Variants in CLCN3 observed in about 807,000 individuals in gnomAD.
The protein encoded by CLCN3 is Cl-/H+ antiporter 3, also known as H(+)/Cl(-) exchange transporter 3.
CLCN3 carries 16 observed loss-of-function variants against 83.4 expected under a neutral mutation model. The observed-to-expected ratio is 0.19, with a 90% CI of 0.13 to 0.29. CLCN3 has a LOEUF of 0.29. Ranked by LOEUF, CLCN3 falls within the 10% of genes least tolerant of loss-of-function variation. The probability of loss-of-function intolerance (pLI) is 1.00; values close to 1 mark genes in which losing one functional copy is unlikely to be tolerated. For missense variants in CLCN3, 544 were observed against 1,006.0 expected (o/e 0.54, Z 6.21); for synonymous variants, 322 against 346.2 (o/e 0.93, Z 0.78).
In CLCN3 at chr4:169,707,208, A is replaced by G; in HGVS notation, c.2091A>G (p.Ser697=). 2 of 1,613,944 alleles carry G rather than the reference A, an allele frequency of 1.2e-6. No individual in the cohort carries two copies. The highest frequency in any genetic ancestry group is 1.1e-5 in the South Asian group (1 of 91,048). The change falls in exon 11 of 13, where the codon TCA becomes TCG. Residue 697 remains serine (S), a synonymous_variant. Coordinates refer to ENST00000513761, the MANE Select transcript of CLCN3 (RefSeq NM_001829.4). ...ACAATGGATTTCCTGTCATAATGTC[A>G]AAAGAATCTCAGAGATTAGTGGGAT... The part of the protein sequence containing the change: ...TSYNGFPVIM[S]KESQRLVGFA...
chr4:169,648,891 G>A (rs1382209481), intron 2 of CLCN3, among the ~76,000 whole-genome samples: 1 of 152,062 alleles, frequency 6.6e-6, no homozygotes, highest in Non-Finnish European at 1.5e-5. Flanking sequence ...GCCAGGTGTG[G>A]TGGTGCACAC....
chr4:169,693,818 G>A (rs1477342418), intron 7 of CLCN3, among the ~76,000 whole-genome samples: 1 of 152,118 alleles, frequency 6.6e-6, no homozygotes, highest in Non-Finnish European at 1.5e-5. Context: ...AAATTTTAAT[G>A]TTCATACTGT....
chr4:169,624,460 G>T (rs1056937389), intron 1 of CLCN3, among the ~76,000 whole-genome samples: 2 of 152,032 alleles, frequency 1.3e-5, no homozygotes, highest in Admixed American at 1.3e-4. Context: ...GTAGGGACAG[G>T]GTTTCACCCT....
chr4:169,622,006 T>C (rs1233071810), intron 1 of CLCN3, among the ~76,000 whole-genome samples: 2 of 152,184 alleles, frequency 1.3e-5, no homozygotes, highest in South Asian at 2.1e-4. Flanking sequence ...CCTACAGATA[T>C]TTTCTCAACT....
intron 2 of CLCN3, among the ~76,000 whole-genome samples, chr4:169,668,168 TTG>T (rs1731322439): frequency 8.8e-6 from 1 of 113,718 alleles, no homozygotes. Context: ...TGAGAGGGGG[TTG>T]TTTTTTGTTT....
intron 3 of CLCN3, among the ~76,000 whole-genome samples, chr4:169,685,272 T>C (rs1732110489): frequency 6.6e-6 from 1 of 152,184 alleles, no homozygotes; most frequent in Non-Finnish European, 1.5e-5. Context: ...TTAGATTTAG[T>C]TTTGTTTTAT....
At chr4:169,625,215 C>T (rs1167053144) in intron 1 of CLCN3, among the ~76,000 whole-genome samples, 1 of 152,196 alleles carries the variant, frequency 6.6e-6, no homozygotes, top group Non-Finnish European at 1.5e-5. Flanking sequence ...GCTCTTGAGA[C>T]TTTTGTTCCA....
At chr4:169,680,366 T>A in intron 3 of CLCN3, 159 bp downstream of exon 3, 2 of 591,836 alleles carry the variant, frequency 3.4e-6, no homozygotes, top group South Asian at 2.7e-5. Context: ...TTTTCTATGT[T>A]TAATTTTTTT....
intron 1 of CLCN3, among the ~76,000 whole-genome samples, chr4:169,626,604 G>T (rs765943135): frequency 6.6e-6 from 1 of 152,178 alleles, no homozygotes; most frequent in Non-Finnish European, 1.5e-5. Flanking sequence ...CCTTGGGTTG[G>T]TGGAAAGGAG....
intron 3 of CLCN3, 81 bp downstream of exon 3, chr4:169,680,288 G>A: frequency 1.0e-6 from 1 of 971,196 alleles, no homozygotes; most frequent in East Asian, 2.6e-5. Flanking sequence ...AATGATCTCA[G>A]GCTGCCAAAT....
At chr4:169,685,964 G>A (rs1444273392) in intron 3 of CLCN3, among the ~76,000 whole-genome samples, 1 of 152,064 alleles carries the variant, frequency 6.6e-6, no homozygotes, top group Non-Finnish European at 1.5e-5. Flanking sequence ...ATTTTAGTGG[G>A]GCGTTGTGAC....
rs537848828 is a variant in CLCN3 at position 169,679,962 on chromosome 4, A to G, written c.161-88A>G. The G allele has an allele frequency of 1.5e-5, 16 of 1,035,202 alleles. No individual in the cohort carries two copies. In the African/African-American group the frequency reaches 2.1e-4, roughly 13 times the overall value. The allele number at this position is 1,035,202 out of a possible 1,614,324, so 64.1% of individuals were successfully genotyped here. ...GGAGAGGGAGAGGGATTATTTCTGT[A>G]TGACTTAATAATGAATTTCTAAGAA... On this transcript the variant is annotated intron_variant, in intron 2 of 12. Transcript: ENST00000513761.
chr4:169,720,128 G>T lies in CLCN3; in HGVS notation c.*131G>T. 7.0e-7 allele frequency: 1 copy of T among 1,426,668 alleles called. No individual in the cohort carries two copies. Among genetic ancestry groups the T allele is most frequent in the African/African-American group, 1.4e-5 (1 of 69,194 alleles). 88.4% of individuals were successfully genotyped at this position (1,426,668 alleles called of 1,614,324 possible). On this transcript the variant is annotated 3_prime_UTR_variant, in exon 13 of 13. Transcript: ENST00000513761. ...AAAAAAGAAAGGAAATATAAAAGCC[G>T]GGTTTTTGCAACATGGTTTGCAAAT...
chr4:169,674,171 C>G (rs532119277), intron 2 of CLCN3, among the ~76,000 whole-genome samples: 1 of 152,266 alleles, frequency 6.6e-6, no homozygotes, highest in African/African-American at 2.4e-5. Flanking sequence ...TTGTTTTAAT[C>G]TAGAACCGTT....
chr4:169,665,273 G>A (rs1424820688), intron 2 of CLCN3, among the ~76,000 whole-genome samples: 1 of 152,090 alleles, frequency 6.6e-6, no homozygotes, highest in East Asian at 1.9e-4. Flanking sequence ...TTGAGTAATG[G>A]GCTTAGTATT....
rs754515417 is a variant in CLCN3 at position 169,689,089 on chromosome 4, C to T, written c.465C>T (p.Asp155=). The T allele has an allele frequency of 1.1e-5, 17 of 1,613,268 alleles. No homozygotes were observed. Among genetic ancestry groups the T allele is most frequent in the Admixed American group, 3.3e-5 (2 of 59,834 alleles). Residue 155 remains aspartate (D), a synonymous_variant, in exon 5 of 13, where the codon GAC becomes GAT. Transcript: ENST00000513761. ...LIDIAADWMT[D]LKEGICLSAL... ...ACATTGCTGCCGATTGGATGACTGA[C>T]CTAAAGGAGGGCATTTGCCTTAGTG...
rs190045802 is a variant in CLCN3, at chr4:169,665,710, A to C, written c.161-14340A>C. ...TGGATTTCTGCCTCTTCCTTCCATA[A>C]TTTTTTTAAAAAGGTTCATATGTTT... On this transcript the variant is annotated intron_variant, in intron 2 of 12. Coordinates refer to ENST00000513761, the MANE Select transcript of CLCN3 (RefSeq NM_001829.4). Among the ~76,000 whole-genome samples, 308 of 152,192 alleles carry C rather than the reference A, an allele frequency of 2.0e-3. 2 individuals carry two copies. Among genetic ancestry groups the C allele is most frequent in the South Asian group, 2.9e-3 (14 of 4,818 alleles).
intron 2 of CLCN3, among the ~76,000 whole-genome samples, chr4:169,665,979 TG>T (rs780277223): frequency 2.2e-4 from 32 of 144,940 alleles, no homozygotes; most frequent in East Asian, 3.9e-4. Context: ...AAGGTTGTGT[TG>T]TTTTTTTTTT....
intron 2 of CLCN3, among the ~76,000 whole-genome samples, chr4:169,639,163 A>G (rs796555017): frequency 8.1e-4 from 123 of 152,240 alleles, no homozygotes; most frequent in African/African-American, 2.8e-3. Flanking sequence ...CTGAGTAGCT[A>G]GGACCACAGT....
Sources: allele counts gnomAD v4.1 joint callset (sites outside exome capture counted in the v4.1 genomes callset), GRCh38; gene constraint gnomAD v4.1.1; transcripts MANE v1.5; gene names NCBI Gene and HGNC (gene_info 2026-07-23, HGNC 2026-07-21).